Variants in AGMO observed in about 807,000 individuals in gnomAD.
AGMO encodes glyceryl-ether monooxygenase.
Under a neutral mutation model 60.2 loss-of-function variants are expected in AGMO, and 75 were observed. That is an observed-to-expected ratio of 1.25 (90% CI 1.03 to 1.51). AGMO has a LOEUF of 1.51. AGMO is among the 40% of genes most tolerant of loss of function. AGMO has a pLI of 0.00. For synonymous variants in AGMO, 261 were observed against 177.1 expected (o/e 1.47, Z -3.76); for missense variants, 763 against 525.5 (o/e 1.45, Z -4.42).
intron 3 of AGMO, among the ~76,000 whole-genome samples, chr7:15,477,180 A>G (rs1346251719): frequency 6.6e-6 from 1 of 152,092 alleles, no homozygotes; most frequent in Non-Finnish European, 1.5e-5. Flanking sequence ...GTGTTAAGCA[A>G]AGTTGAGAAT....
intron 12 of AGMO, chr7:15,306,460 A>C (rs1193523211): frequency 8.6e-6 from 4 of 462,484 alleles, no homozygotes; most frequent in Non-Finnish European, 1.3e-5. Context: ...TTCTGCAATC[A>C]ATGCACTTTG....
At chr7:15,208,363 G>T (rs1253013808) in intron 12 of AGMO, among the ~76,000 whole-genome samples, 1 of 152,196 alleles carries the variant, frequency 6.6e-6, no homozygotes, top group Non-Finnish European at 1.5e-5. Context: ...GTACTTTAGA[G>T]AAATAATCTT....
At position 15,476,232 on chromosome 7, in the gene AGMO, T is replaced by G. The variant is rs373698873; in HGVS notation, c.410-45124A>C. 9.2e-5 allele frequency among the ~76,000 whole-genome samples: 14 copies of G among 152,116 alleles called. No individual in the cohort carries two copies. In the East Asian group the frequency reaches 1.7e-3, roughly 19 times the overall value. On this transcript the variant is annotated intron_variant, in intron 3 of 12. Transcript: ENST00000342526. ...TAAGCAGAGGACATTAGAAACGGAT[T>G]GTGGAAACCAAGGTAACAGTTTTCC...
In AGMO at chr7:15,432,879, C is replaced by T. The variant is rs373871619; in HGVS notation, c.410-1771G>A. On this transcript the variant is annotated intron_variant, in intron 3 of 12. Coordinates refer to ENST00000342526, the MANE Select transcript of AGMO (RefSeq NM_001004320.2). ...TGTACATAAGAAATATAAAAAGACC[C>T]TTGTGGCACTTTATATCTTCAGATG... Among the ~76,000 whole-genome samples the T allele has an allele frequency of 1.6e-4, 24 of 151,966 alleles. No homozygotes were observed. The East Asian group carries it at 2.9e-3, about 18-fold the overall frequency.
At chr7:15,168,751 T>C in the AGMO span, among the ~76,000 whole-genome samples, 1 of 152,188 alleles carries the variant, frequency 6.6e-6, no homozygotes, top group East Asian at 1.9e-4. Flanking sequence ...CCACACTCAA[T>C]GCAGTTTTTG....
In AGMO at chr7:15,430,089, T is replaced by C. The variant is rs1056938447; in HGVS notation, c.513+916A>G. Among the ~76,000 whole-genome samples, 7 of 151,948 alleles carry C rather than the reference T, an allele frequency of 4.6e-5. No individual in the cohort carries two copies. In the South Asian group the frequency reaches 1.4e-3, roughly 31 times the overall value. On this transcript the variant is annotated intron_variant, in intron 4 of 12. Transcript: ENST00000342526. ...AATAAGAGCAATAATAATTTCTGTG[T>C]ATGAAGGCTGTTGTGAAGATGAAGT... is the stretch of plus-strand genomic sequence containing the variant.
intron 12 of AGMO, among the ~76,000 whole-genome samples, chr7:15,271,831 G>C (rs1227878334): frequency 6.6e-6 from 1 of 152,058 alleles, no homozygotes; most frequent in Non-Finnish European, 1.5e-5. Flanking sequence ...ATTCTTTCGA[G>C]ATATTTTTCT....
the AGMO span, among the ~76,000 whole-genome samples, chr7:15,174,750 G>T: frequency 7.6e-6 from 1 of 130,900 alleles, no homozygotes; most frequent in East Asian, 2.1e-4. Context: ...TTAAATAAAT[G>T]TGGAAAAAGA....
At chr7:15,133,209 G>A in the AGMO span, among the ~76,000 whole-genome samples, 1 of 152,086 alleles carries the variant, frequency 6.6e-6, no homozygotes, top group African/African-American at 2.4e-5. Flanking sequence ...AGTATGCTAG[G>A]AAATGATTGA....
At chr7:15,425,121 C>T (rs924827944) in intron 4 of AGMO, among the ~76,000 whole-genome samples, 8 of 152,224 alleles carry the variant, frequency 5.3e-5, no homozygotes, top group Admixed American at 3.9e-4. Context: ...AAAATAACCA[C>T]ATGAGAAGGC....
chr7:15,443,817 C>A (rs369272337), intron 3 of AGMO, among the ~76,000 whole-genome samples: 39 of 151,872 alleles, frequency 2.6e-4, no homozygotes, highest in African/African-American at 8.7e-4. Flanking sequence ...AAATCTGTAT[C>A]TTCCTCCTTC....
chr7:15,390,810 A>C, intron 7 of AGMO, 30 bp downstream of exon 7: 1 of 1,587,878 alleles, frequency 6.3e-7, no homozygotes, highest in Non-Finnish European at 8.6e-7. Flanking sequence ...GAGCTGATTT[A>C]ATTTTTTGAT....
chr7:15,384,510 C>G (rs929031272), intron 10 of AGMO, among the ~76,000 whole-genome samples: 1 of 151,956 alleles, frequency 6.6e-6, no homozygotes, highest in Non-Finnish European at 1.5e-5. Flanking sequence ...TTTAAGTGTC[C>G]TATACACCTT....
intron 3 of AGMO, among the ~76,000 whole-genome samples, chr7:15,538,262 T>A (rs976591526): frequency 2.6e-5 from 4 of 152,126 alleles, no homozygotes; most frequent in Admixed American, 6.5e-5. Flanking sequence ...AGACAAGGTC[T>A]CACTCTGACA....
intron 3 of AGMO, among the ~76,000 whole-genome samples, chr7:15,464,775 C>T (rs969679282): frequency 1.3e-5 from 2 of 152,110 alleles, no homozygotes; most frequent in Non-Finnish European, 2.9e-5. Flanking sequence ...AAAGAGTCAC[C>T]AAGTCTGACT....
intron 12 of AGMO, among the ~76,000 whole-genome samples, chr7:15,248,175 G>A (rs1782806084): frequency 5.8e-5 from 2 of 34,654 alleles, no homozygotes; most frequent in Non-Finnish European, 1.5e-4. Context: ...CTGTGATCCA[G>A]CACCATATAT....
At chr7:15,291,319 T>A (rs1784256381) in intron 12 of AGMO, among the ~76,000 whole-genome samples, 1 of 152,172 alleles carries the variant, frequency 6.6e-6, no homozygotes, top group Non-Finnish European at 1.5e-5. Flanking sequence ...ATCCATTATA[T>A]CCAATGGGAA....
At chr7:15,337,312 C>A (rs567282567) in intron 12 of AGMO, among the ~76,000 whole-genome samples, 1 of 152,096 alleles carries the variant, frequency 6.6e-6, no homozygotes, top group East Asian at 1.9e-4. Flanking sequence ...TTTTTAATAA[C>A]AGAATATATT....
At chr7:15,186,026 A>G in the AGMO span, among the ~76,000 whole-genome samples, 6 of 152,186 alleles carry the variant, frequency 3.9e-5, no homozygotes, top group Admixed American at 3.9e-4. Flanking sequence ...ACTAAAACAA[A>G]TCGACCCACA....
Sources: allele counts gnomAD v4.1 joint callset (sites outside exome capture counted in the v4.1 genomes callset), GRCh38; gene constraint gnomAD v4.1.1; transcripts MANE v1.5; gene names NCBI Gene and HGNC (gene_info 2026-07-23, HGNC 2026-07-21).